Variants in CCDC7 observed in about 807,000 individuals in gnomAD.
CCDC7 encodes the protein coiled-coil domain containing 7.
CCDC7 carries 183 observed loss-of-function variants against 196.9 expected under a neutral mutation model. The ratio of observed to expected loss-of-function variants is 0.93; its 90% CI spans 0.82 to 1.05. CCDC7 has a LOEUF of 1.05. Among genes scored for constraint, CCDC7 ranks in the 50% least tolerant of loss-of-function variants. The pLI is 0.00. For synonymous variants in CCDC7, 525 were observed against 484.6 expected, an observed-to-expected ratio of 1.08 and a Z score of -1.10; for missense variants, 1,540 against 1,482.2, an observed-to-expected ratio of 1.04 and a Z score of -0.64.
intron 31 of CCDC7, among the ~76,000 whole-genome samples, chr10:32,821,649 A>C (rs187770411): frequency 1.5e-4 from 23 of 152,334 alleles, no homozygotes; most frequent in Non-Finnish European, 2.4e-4. Flanking sequence ...GGATGAGCTC[A>C]TGTCCTTTGT....
At chr10:32,713,379 G>A (rs1417473446) in intron 25 of CCDC7, among the ~76,000 whole-genome samples, 1 of 152,212 alleles carries the variant, frequency 6.6e-6, no homozygotes, top group African/African-American at 2.4e-5. Context: ...TTTGTCCTAG[G>A]TGTAGGTCCT....
intron 11 of CCDC7, among the ~76,000 whole-genome samples, chr10:32,519,578 TA>T (rs35939392): frequency 0.25 from 38,244 of 151,928 alleles, 5,395 homozygotes; most frequent in South Asian, 0.44. Context: ...TTAAAACATT[TA>T]AAAAAATTTT....
chr10:32,675,748 T>A (rs1209203114), intron 21 of CCDC7: 1 of 152,220 alleles, frequency 6.6e-6, no homozygotes, highest in Admixed American at 6.5e-5. Flanking sequence ...TACAAAGAAA[T>A]GGAAGAACAT....
Position 32,746,252 on chromosome 10 carries a change from C to T in CCDC7, c.2905+16795C>T, listed in dbSNP as rs1021652679. 3.4e-4 allele frequency among the ~76,000 whole-genome samples: 52 copies of T among 152,164 alleles called. 2 individuals carry two copies. The highest frequency in any genetic ancestry group is 4.4e-5 in the Non-Finnish European group (3 of 68,048). Reference sequence around the variant, plus strand: ...GGGCTGCCAAGCATCAGGACTCATTCTTGGTCCCCAGAAATTTTTGGGGAA... The same window carrying T: ...GGGCTGCCAAGCATCAGGACTCATTTTTGGTCCCCAGAAATTTTTGGGGAA... On this transcript the variant is annotated intron_variant, in intron 28 of 41. Transcript: ENST00000639629.
chr10:32,744,091 A>G (rs1316623580), intron 28 of CCDC7, among the ~76,000 whole-genome samples: 5 of 152,052 alleles, frequency 3.3e-5, no homozygotes, highest in South Asian at 2.1e-4. Context: ...TACATATGTA[A>G]CAAACCTGCA....
intron 20 of CCDC7, among the ~76,000 whole-genome samples, chr10:32,638,187 T>G (rs1404809547): frequency 6.6e-6 from 1 of 152,230 alleles, no homozygotes; most frequent in African/African-American, 2.4e-5. Flanking sequence ...CAGGGACAAT[T>G]TGACTTCCTC....
intron 9 of CCDC7, chr10:32,499,125 T>G (rs1347706022): frequency 2.0e-5 from 3 of 151,496 alleles, no homozygotes; most frequent in African/African-American, 7.2e-5. Context: ...AAAAGCCTAT[T>G]TAATGAACTC....
chr10:32,756,638 C>G (rs938877351), intron 28 of CCDC7, among the ~76,000 whole-genome samples: 10 of 152,196 alleles, frequency 6.6e-5, no homozygotes, highest in Non-Finnish European at 1.2e-4. Flanking sequence ...GTACCAGCCA[C>G]TGGAAAAACA....
chr10:32,612,876 C>G (rs1241247827), intron 18 of CCDC7, among the ~76,000 whole-genome samples: 1 of 143,140 alleles, frequency 7.0e-6, no homozygotes, highest in East Asian at 2.2e-4. Context: ...CTGAAATTTT[C>G]TTTGTTTTTT....
intron 9 of CCDC7, among the ~76,000 whole-genome samples, chr10:32,501,436 G>A (rs898721162): frequency 6.6e-6 from 1 of 151,774 alleles, no homozygotes. Flanking sequence ...GTGAGCAGCT[G>A]TGATCCTTTG....
chr10:32,576,402 G>C (rs2058195460), intron 16 of CCDC7, among the ~76,000 whole-genome samples: 1 of 151,978 alleles, frequency 6.6e-6, no homozygotes, highest in South Asian at 2.1e-4. Flanking sequence ...ACCATGGTAA[G>C]AGGGGCCCTT....
intron 31 of CCDC7, among the ~76,000 whole-genome samples, chr10:32,821,710 G>A (rs1208102221): frequency 6.6e-6 from 1 of 151,808 alleles, no homozygotes; most frequent in East Asian, 1.9e-4. Flanking sequence ...CTATCGCAAG[G>A]CCAAAAAACC....
intron 29 of CCDC7, among the ~76,000 whole-genome samples, chr10:32,799,165 A>G (rs755429058): frequency 1.3e-5 from 2 of 152,208 alleles, no homozygotes; most frequent in Non-Finnish European, 2.9e-5. Flanking sequence ...TTGATGACCC[A>G]TAGTCAAATG....
chr10:32,541,820 G>A (rs1005125327), intron 11 of CCDC7, among the ~76,000 whole-genome samples: 3 of 152,212 alleles, frequency 2.0e-5, no homozygotes, highest in Non-Finnish European at 4.4e-5. Flanking sequence ...TCCCAGTCTT[G>A]CACAGGTCCC....
At chr10:32,819,199 A>C (rs1157950227) in intron 31 of CCDC7, among the ~76,000 whole-genome samples, 2 of 152,224 alleles carry the variant, frequency 1.3e-5, no homozygotes, top group African/African-American at 2.4e-5. Flanking sequence ...CTACACAAAT[A>C]AACTAGAAAA....
At chr10:32,850,897 G>A (rs2093539131) in intron 39 of CCDC7, among the ~76,000 whole-genome samples, 1 of 151,494 alleles carries the variant, frequency 6.6e-6, no homozygotes, top group African/African-American at 2.4e-5. Flanking sequence ...AGGGAGAAAC[G>A]AAGGCAAATA....
At chr10:32,834,586 C>G (rs2092455416) in intron 32 of CCDC7, among the ~76,000 whole-genome samples, 1 of 151,586 alleles carries the variant, frequency 6.6e-6, no homozygotes, top group South Asian at 2.1e-4. Flanking sequence ...GTTCAAATCA[C>G]TAAACTTCTC....
intron 18 of CCDC7, among the ~76,000 whole-genome samples, chr10:32,608,606 T>A (rs2061774840): frequency 6.6e-6 from 1 of 152,188 alleles, no homozygotes; most frequent in South Asian, 2.1e-4. Flanking sequence ...AGTGGTGCGA[T>A]CTAGGCTCAC....
rs545664244 is a variant in CCDC7, at chr10:32,482,962, T to C, written c.796+8939T>C. Among the ~76,000 whole-genome samples, 543 of 152,324 alleles carry C rather than the reference T, an allele frequency of 3.6e-3. 3 individuals are homozygous for C. The highest frequency in any genetic ancestry group is 0.024 in the Middle Eastern group (7 of 294). ...TGAATAGTGCCGCAATAAACATACG[T>C]GTGCATGTGTCTTTATAGCAGCATG... On this transcript the variant is annotated intron_variant, in intron 8 of 41. Transcript: ENST00000639629.
Sources: gnomAD v4.1 joint callset for allele counts (sites outside exome capture counted in the v4.1 genomes callset) on GRCh38, gnomAD v4.1.1 for gene constraint, MANE v1.5 for transcripts, NCBI Gene and HGNC (gene_info 2026-07-23, HGNC 2026-07-21) for gene names.